Variants in BLTP1 observed in about 807,000 individuals in gnomAD.
The protein encoded by BLTP1 is fragile site-associated protein.
At chr4:122,169,561 T>C in the BLTP1 span, 1 of 874,410 alleles carries the variant, frequency 1.1e-6, no homozygotes, top group Non-Finnish European at 1.4e-6. Flanking sequence ...TATGGTATTA[T>C]GAAGGAATAT....
At chr4:122,331,236 G>T in the BLTP1 span, 3 of 1,458,350 alleles carry the variant, frequency 2.1e-6, no homozygotes, top group South Asian at 1.4e-5. Context: ...TTTATTTACA[G>T]ACTGTTGCTC....
chr4:122,349,662 T>C, the BLTP1 span: 1 of 1,585,506 alleles, frequency 6.3e-7, no homozygotes, highest in African/African-American at 1.3e-5. The surrounding 1 kb of genome is among the most constrained non-coding windows in gnomAD (Gnocchi z 4.5). Flanking sequence ...AAGGATTACT[T>C]TTTGGACACT....
At chr4:122,211,262 T>C in the BLTP1 span, among the ~76,000 whole-genome samples, 1 of 152,148 alleles carries the variant, frequency 6.6e-6, no homozygotes, top group African/African-American at 2.4e-5. Context: ...TACAAAATTA[T>C]TTATTAAAAA....
chr4:122,309,472 T>G, the BLTP1 span: 4 of 1,610,664 alleles, frequency 2.5e-6, no homozygotes, highest in Non-Finnish European at 3.4e-6. Context: ...CCTGTGAGTA[T>G]CTTTTATTTC....
At chr4:122,268,565 T>G in the BLTP1 span, among the ~76,000 whole-genome samples, 8 of 152,194 alleles carry the variant, frequency 5.3e-5, no homozygotes, top group African/African-American at 1.9e-4. Flanking sequence ...GGCTAGATAT[T>G]AAGAGTGTCT....
At chr4:122,300,910 T>C in the BLTP1 span, 1 of 979,112 alleles carries the variant, frequency 1.0e-6, no homozygotes, top group Non-Finnish European at 1.2e-6. Context: ...TATGCCACAT[T>C]GCCCAGGCAA....
the BLTP1 span, chr4:122,246,187 T>G: frequency 6.3e-7 from 1 of 1,597,586 alleles, no homozygotes; most frequent in Non-Finnish European, 8.5e-7. Flanking sequence ...GAACAAAAAC[T>G]GAGCAGTCTA....
the BLTP1 span, among the ~76,000 whole-genome samples, chr4:122,213,828 T>C: frequency 2.1e-3 from 322 of 152,336 alleles, no homozygotes; most frequent in Admixed American, 5.9e-3. Context: ...ATTAAAACTT[T>C]GTCATTTCTT....
At chr4:122,188,891 C>G in the BLTP1 span, 1 of 935,536 alleles carries the variant, frequency 1.1e-6, no homozygotes, top group Non-Finnish European at 1.3e-6. Context: ...TAACTCTTGG[C>G]TGGCCTGGTA....
At chr4:122,204,385 A>C in the BLTP1 span, 1 of 882,774 alleles carries the variant, frequency 1.1e-6, no homozygotes, top group Non-Finnish European at 1.4e-6. Context: ...GCCATTTACA[A>C]AGCATGTTCA....
chr4:122,345,451 T>C, the BLTP1 span, among the ~76,000 whole-genome samples: 1 of 145,338 alleles, frequency 6.9e-6, no homozygotes, highest in African/African-American at 2.4e-5. Context: ...GATCATACTT[T>C]GATTTGCTGT....
chr4:122,189,877 T>C, the BLTP1 span: 1 of 1,389,072 alleles, frequency 7.2e-7, no homozygotes, highest in Non-Finnish European at 9.4e-7. Flanking sequence ...GGATGCTACT[T>C]GTTATGTGCT....
the BLTP1 span, chr4:122,227,243 G>C: frequency 6.1e-6 from 6 of 988,806 alleles, no homozygotes; most frequent in Non-Finnish European, 7.2e-6. Context: ...TAATGTAATA[G>C]CAAGGTTGGT....
At chr4:122,235,432 G>T in the BLTP1 span, 2 of 971,100 alleles carry the variant, frequency 2.1e-6, no homozygotes, top group Admixed American at 6.2e-5. Context: ...TGGCCCCCAT[G>T]TTACCAATTA....
chr4:122,325,736 CATAG>C, the BLTP1 span: 15 of 799,024 alleles, frequency 1.9e-5, no homozygotes, highest in Non-Finnish European at 2.6e-5. Flanking sequence ...ATTCTAATTT[CATAG>C]CATATTAAAC....
chr4:122,194,151 T>C, the BLTP1 span, among the ~76,000 whole-genome samples: 1 of 152,212 alleles, frequency 6.6e-6, no homozygotes, highest in African/African-American at 2.4e-5. Flanking sequence ...CGTGAGCCAC[T>C]GCGCCCGGCC....
At chr4:122,195,713 T>G in the BLTP1 span, 1 of 761,650 alleles carries the variant, frequency 1.3e-6, no homozygotes, top group Non-Finnish European at 1.6e-6. Flanking sequence ...TCCTTAATAT[T>G]CTTAATTTTC....
At chr4:122,215,313 T>A in the BLTP1 span, 1 of 928,296 alleles carries the variant, frequency 1.1e-6, no homozygotes, top group African/African-American at 1.8e-5. Context: ...TACAGGAATC[T>A]AAATTTTTTT....
chr4:122,243,192 A>T, the BLTP1 span: 2 of 1,031,356 alleles, frequency 1.9e-6, no homozygotes, highest in Admixed American at 2.6e-5. Context: ...TTACCAAAAT[A>T]ATTCAGCTCT....
Sources: allele counts gnomAD v4.1 joint callset (sites outside exome capture counted in the v4.1 genomes callset), GRCh38; gene constraint gnomAD v4.1.1; non-coding constraint Gnocchi (gnomAD v3.1); transcripts MANE v1.5; gene names NCBI Gene and HGNC (gene_info 2026-07-23, HGNC 2026-07-21).